ERMP1: variants seen among roughly 807,000 people sequenced by gnomAD.
The protein encoded by ERMP1 is Felix-ina.
ERMP1 carries 86 observed loss-of-function variants against 92.0 expected under a neutral mutation model. That is an observed-to-expected ratio of 0.93 (90% CI 0.79 to 1.12). The LOEUF is 1.12. Among genes scored for constraint, ERMP1 ranks in the 50% most tolerant of loss-of-function variants. The probability of loss-of-function intolerance (pLI) is 0.00; values close to 1 mark genes in which losing one functional copy is unlikely to be tolerated. For synonymous variants in ERMP1, 530 were observed against 412.8 expected, an observed-to-expected ratio of 1.28 and a Z score of -3.44; for missense variants, 1,342 against 1,116.3, an observed-to-expected ratio of 1.20 and a Z score of -2.88.
intron 6 of ERMP1, among the ~76,000 whole-genome samples, chr9:5,840,504 C>A (rs533841653): frequency 1.3e-5 from 2 of 152,198 alleles, no homozygotes; most frequent in African/African-American, 4.8e-5. Flanking sequence ...CCATCTTCTC[C>A]CTCCCTACCC....
chr9:5,788,053 T>A (rs1022321470), intron 13 of ERMP1, among the ~76,000 whole-genome samples: 1 of 152,242 alleles, frequency 6.6e-6, no homozygotes, highest in Non-Finnish European at 1.5e-5. Flanking sequence ...CTGGAAAATA[T>A]TAGCTCAGTT....
rs1318469226 is a variant in ERMP1 at position 5,833,049 on chromosome 9, G to C, written c.-22C>G. 1.4e-6 allele frequency: 2 copies of C among 1,450,946 alleles called. No homozygotes were observed. The highest frequency in any genetic ancestry group is 1.5e-5 in the African/African-American group (1 of 67,852). 89.9% of individuals were successfully genotyped at this position (1,450,946 alleles called of 1,614,324 possible). ...CCATGGCCACGAGCCTCAGCTGCCAGCCCAACCGCCCCAACCCGCGACAGC... is the reference window on the plus strand; with the variant it reads ...CCATGGCCACGAGCCTCAGCTGCCACCCCAACCGCCCCAACCCGCGACAGC... On this transcript the variant is annotated 5_prime_UTR_variant, in exon 1 of 15. Coordinates refer to ENST00000339450, the MANE Select transcript of ERMP1 (RefSeq NM_024896.3).
intron 4 of ERMP1, among the ~76,000 whole-genome samples, chr9:5,823,150 T>C (rs903938688): frequency 1.3e-5 from 2 of 151,864 alleles, no homozygotes; most frequent in Admixed American, 6.6e-5. Context: ...CCAGGCGTGA[T>C]AGCAAGCACC....
intron 4 of ERMP1, among the ~76,000 whole-genome samples, chr9:5,815,520 T>C (rs1317423012): frequency 1.7e-5 from 2 of 120,510 alleles, no homozygotes; most frequent in Non-Finnish European, 3.6e-5. Flanking sequence ...AAAAGGAAAA[T>C]GGAAAGCCTT....
At chr9:5,799,985 G>T (rs894224489) in intron 11 of ERMP1, among the ~76,000 whole-genome samples, 6 of 152,012 alleles carry the variant, frequency 3.9e-5, no homozygotes, top group African/African-American at 1.4e-4. Context: ...TTGTTATTTG[G>T]CCCCTTTTCA....
intron 5 of ERMP1, among the ~76,000 whole-genome samples, chr9:5,865,160 A>C (rs924899294): frequency 6.6e-6 from 1 of 152,232 alleles, no homozygotes; most frequent in Non-Finnish European, 1.5e-5. Flanking sequence ...TAAATGAAAA[A>C]TTTATACATA....
At chr9:5,838,555 G>T (rs940936279) in intron 6 of ERMP1, among the ~76,000 whole-genome samples, 6 of 150,972 alleles carry the variant, frequency 4.0e-5, no homozygotes, top group East Asian at 1.9e-4. Flanking sequence ...AGAAGAAGAA[G>T]AATTCATGGT....
intron 1 of ERMP1, among the ~76,000 whole-genome samples, chr9:5,831,713 C>T (rs1275556215): frequency 6.6e-6 from 1 of 152,148 alleles, no homozygotes; most frequent in Non-Finnish European, 1.5e-5. Context: ...GTAGCAGAAA[C>T]CAATGAGCAA....
At chr9:5,833,498 C>T (rs1397952582), upstream of ERMP1, among the ~76,000 whole-genome samples, 1 of 152,176 alleles carries the variant, frequency 6.6e-6, no homozygotes, top group Non-Finnish European at 1.5e-5. Context: ...GCAGAGGAGG[C>T]CCGGCCTATT....
At chr9:5,813,079 T>TC (rs770527952) in intron 4 of ERMP1, 44 bp from the exon 5 acceptor site, 1 of 1,605,868 alleles carries the variant, frequency 6.2e-7, no homozygotes, top group East Asian at 2.2e-5. Flanking sequence ...TTCCGGCAAT[T>TC]TTTTTTAACA....
Position 5,823,970 on chromosome 9 carries a change from C to G in ERMP1, c.800G>C (p.Trp267Ser), listed in dbSNP as rs570813201. 1 of 1,614,058 alleles carries G rather than the reference C, an allele frequency of 6.2e-7. No individual in the cohort carries two copies. The highest frequency in any genetic ancestry group is 2.2e-5 in the East Asian group (1 of 44,880). Residue 267 changes from tryptophan to serine, a missense_variant, in exon 4 of 15, where the codon TGG becomes TCG. Physicochemically the swap from Trp to Ser is radical, Grantham distance 177. Coordinates refer to ENST00000339450, the MANE Select transcript of ERMP1 (RefSeq NM_024896.3). Reference sequence around the variant, plus strand: ...AATGAATGCACGAATCAAGCTAGCCCAGGGGTGCTGAGTAATGAAACCATG... The same window carrying G: ...AATGAATGCACGAATCAAGCTAGCCGAGGGGTGCTGAGTAATGAAACCATG... ...ASHGFITQHP[W>S]ASLIRAFINL... is the part of the protein sequence containing the mutation.
chr9:5,826,465 A>G (rs955871637), intron 2 of ERMP1, among the ~76,000 whole-genome samples: 2 of 152,234 alleles, frequency 1.3e-5, no homozygotes, highest in African/African-American at 4.8e-5. Context: ...CCCAGTGCCT[A>G]GCACCTGGTA....
intron 5 of ERMP1, among the ~76,000 whole-genome samples, chr9:5,862,431 C>G (rs372979872): frequency 3.3e-5 from 5 of 152,214 alleles, no homozygotes; most frequent in South Asian, 4.1e-4. Flanking sequence ...CTCCTGGATT[C>G]AAGAGATCCT....
At chr9:5,829,234 A>C (rs572339472) in intron 2 of ERMP1, among the ~76,000 whole-genome samples, 16 of 152,098 alleles carry the variant, frequency 1.1e-4, no homozygotes, top group Middle Eastern at 6.8e-3. Context: ...AAAAAAAAAA[A>C]AAAACACTAA....
chr9:5,795,336 CAA>C (rs1164079541), intron 13 of ERMP1, among the ~76,000 whole-genome samples: 1 of 152,134 alleles, frequency 6.6e-6, no homozygotes, highest in Non-Finnish European at 1.5e-5. Flanking sequence ...AGGAACAAGG[CAA>C]AGATGTCCCC....
chr9:5,806,609 A>AT lies in ERMP1; in HGVS notation c.1549-825dup, dbSNP rs973865407. Among the ~76,000 whole-genome samples, 565 of 147,484 alleles carry AT rather than the reference A, an allele frequency of 3.8e-3. 4 individuals carry two copies. The highest frequency in any genetic ancestry group is 0.012 in the African/African-American group (483 of 40,204). On this transcript the variant is annotated intron_variant, in intron 8 of 14. Coordinates refer to ENST00000339450, the MANE Select transcript of ERMP1 (RefSeq NM_024896.3). ...ACACCCAGCAAAGTTTAAAAAAAAC[A>AT]TTTTTTTTTTGGCAGAGACAGGGTC...
intron 7 of ERMP1, 107 bp from the exon 8 acceptor site, chr9:5,810,338 T>C: frequency 1.4e-6 from 1 of 723,038 alleles, no homozygotes; most frequent in Admixed American, 2.6e-5. Flanking sequence ...AACTCCCCAC[T>C]GTACTTGAAA....
chr9:5,857,276 C>T (rs970941101), intron 6 of ERMP1, among the ~76,000 whole-genome samples: 2 of 152,132 alleles, frequency 1.3e-5, no homozygotes, highest in East Asian at 3.9e-4. Flanking sequence ...CCTGCCTTGG[C>T]CTCCCAAAGT....
chr9:5,853,199 T>C (rs1035425513), intron 6 of ERMP1, among the ~76,000 whole-genome samples: 2 of 152,220 alleles, frequency 1.3e-5, no homozygotes, highest in Non-Finnish European at 2.9e-5. Flanking sequence ...CTTTCTTCAT[T>C]CTGATACAGG....
Sources: allele counts gnomAD v4.1 joint callset (sites outside exome capture counted in the v4.1 genomes callset), GRCh38; gene constraint gnomAD v4.1.1; transcripts MANE v1.5; gene names NCBI Gene and HGNC (gene_info 2026-07-23, HGNC 2026-07-21).